Variants in PLEKHA7 observed in about 807,000 individuals in gnomAD.
PLEKHA7 encodes the protein pleckstrin homology domain containing A7.
PLEKHA7 carries 104 observed loss-of-function variants against 170.0 expected under a neutral mutation model. The observed-to-expected ratio is 0.61, with a 90% CI of 0.52 to 0.72. The LOEUF is 0.72. Ranked by LOEUF, PLEKHA7 falls within the 30% of genes least tolerant of loss-of-function variation. PLEKHA7 has a pLI of 0.00. For missense variants in PLEKHA7, 1,615 were observed against 1,671.7 expected (o/e 0.97, Z 0.59); for synonymous variants, 648 against 660.8 (o/e 0.98, Z 0.30).
At chr11:16,924,109 C>T (rs948379786) in intron 3 of PLEKHA7, among the ~76,000 whole-genome samples, 7 of 152,122 alleles carry the variant, frequency 4.6e-5, no homozygotes, top group African/African-American at 1.7e-4. Flanking sequence ...TCATTAGGGC[C>T]CCACCCAGAA....
chr11:16,816,889 G>A lies in PLEKHA7; in HGVS notation c.1777C>T (p.Arg593Ter), dbSNP rs1308265086. 1.9e-6 allele frequency: 3 copies of A among 1,614,060 alleles called. No individual in the cohort carries two copies. The highest frequency in any genetic ancestry group is 1.7e-6 in the Non-Finnish European group (2 of 1,180,024). The change falls in exon 11 of 27, where the codon CGA becomes TGA. Residue 593 changes from arginine (R) to a stop codon, truncating the protein, a stop_gained. Transcript: ENST00000531066. LOFTEE classifies it high-confidence loss of function. ...PPRRPHTPAERVTVKPPDQRR... is the reference protein window; with the variant it reads ...PPRRPHTPAE Reference sequence around the variant, plus strand: ...TGGTCCGGTGGCTTCACTGTGACTCGCTCTGCTGGTGTGTGTGGCCGCCGG... The same window carrying A: ...TGGTCCGGTGGCTTCACTGTGACTCACTCTGCTGGTGTGTGTGGCCGCCGG...
intron 3 of PLEKHA7, among the ~76,000 whole-genome samples, chr11:16,923,650 T>C (rs1278577994): frequency 6.6e-6 from 1 of 152,090 alleles, no homozygotes; most frequent in Admixed American, 6.5e-5. Context: ...CACAGCAGCC[T>C]GTCTGGAAGC....
chr11:16,880,520 T>C (rs1855631444), intron 3 of PLEKHA7, among the ~76,000 whole-genome samples: 1 of 152,214 alleles, frequency 6.6e-6, no homozygotes, highest in African/African-American at 2.4e-5. Flanking sequence ...TTTTTCCACA[T>C]TGCAGACTCC....
intron 3 of PLEKHA7, among the ~76,000 whole-genome samples, chr11:16,932,636 A>C (rs948691692): frequency 2.6e-5 from 4 of 152,230 alleles, no homozygotes; most frequent in Non-Finnish European, 2.9e-5. Context: ...ATGACTAGTA[A>C]CCACCATAGA....
intron 3 of PLEKHA7, among the ~76,000 whole-genome samples, chr11:16,966,687 G>A (rs936264160): frequency 6.7e-6 from 1 of 149,156 alleles, no homozygotes; most frequent in African/African-American, 2.6e-5. Flanking sequence ...TTTTCCATTC[G>A]GATTTTTTTT....
intron 3 of PLEKHA7, among the ~76,000 whole-genome samples, chr11:16,893,603 T>G (rs1419944217): frequency 6.6e-6 from 1 of 152,132 alleles, no homozygotes; most frequent in Non-Finnish European, 1.5e-5. Flanking sequence ...GCTGGTAACT[T>G]TTCCCATTGC....
At chr11:16,814,192 C>A (rs1256443556) in intron 12 of PLEKHA7, among the ~76,000 whole-genome samples, 5 of 152,222 alleles carry the variant, frequency 3.3e-5, no homozygotes, top group African/African-American at 7.2e-5. Flanking sequence ...TCTTACCCAT[C>A]TATACTTCCC....
At chr11:16,890,420 C>T (rs1390793030) in intron 3 of PLEKHA7, among the ~76,000 whole-genome samples, 2 of 152,172 alleles carry the variant, frequency 1.3e-5, no homozygotes, top group Non-Finnish European at 2.9e-5. Context: ...CTGATAAAGA[C>T]ATTTACAAAG....
intron 26 of PLEKHA7, among the ~76,000 whole-genome samples, chr11:16,779,987 G>T (rs964070254): frequency 6.9e-6 from 1 of 144,586 alleles, no homozygotes; most frequent in Non-Finnish European, 1.5e-5. Context: ...GGGAGGGGGG[G>T]GGGAATATCT....
At chr11:16,779,928 C>A (rs1021958704) in intron 26 of PLEKHA7, among the ~76,000 whole-genome samples, 1 of 148,916 alleles carries the variant, frequency 6.7e-6, no homozygotes, top group African/African-American at 2.5e-5. Context: ...CGATTCCTTG[C>A]GCATATCCCT....
Position 16,841,708 on chromosome 11 carries a change from C to A in PLEKHA7, c.711G>T (p.Gly237=), listed in dbSNP as rs1851979537. 6.2e-7 allele frequency: 1 copy of A among 1,613,882 alleles called. No individual in the cohort carries two copies. Among genetic ancestry groups the A allele is most frequent in the South Asian group, 1.1e-5 (1 of 91,058 alleles). Residue 237 remains glycine, a synonymous_variant, in exon 9 of 27, where the codon GGG becomes GGT. Transcript: ENST00000531066. ...AGCTGTTATAGATGAGCGCTCGCATCCCCGTGTGCACAGCCTGTAGCATGA... is the reference window on the plus strand; with the variant it reads ...AGCTGTTATAGATGAGCGCTCGCATACCCGTGTGCACAGCCTGTAGCATGA... ...RKYSFKAVHT[G]MRALIYNSST... is the part of the protein sequence containing the mutation.
chr11:16,817,167 T>A lies in PLEKHA7; in HGVS notation c.1499A>T (p.Asp500Val). ...CGACATCTTCAGGTGGCTGGCTCGG[T>A]CCTGCGCATACTTGTAGTCACTTGG... is the stretch of plus-strand genomic sequence containing the variant. ...NLPSDYKYAQ[D>V]RASHLKMSSE... The change falls in exon 11 of 27, where the codon GAC (aspartate) becomes GTC (valine). Residue 500 changes from aspartate (D) to valine (V), a missense_variant. Asp to Val is a radical substitution (Grantham distance 152, BLOSUM62 -3). Coordinates refer to ENST00000531066, the MANE Select transcript of PLEKHA7 (RefSeq NM_001329630.2). The surrounding 1 kb of genome is among the most constrained non-coding windows in gnomAD (Gnocchi z 4.4). 6.2e-7 allele frequency: 1 copy of A among 1,614,188 alleles called. No individual in the cohort carries two copies. Among genetic ancestry groups the A allele is most frequent in the Non-Finnish European group, 8.5e-7 (1 of 1,180,030 alleles).
intron 9 of PLEKHA7, among the ~76,000 whole-genome samples, chr11:16,839,199 ATT>A (rs1301687765): frequency 6.6e-6 from 1 of 152,088 alleles, no homozygotes; most frequent in Non-Finnish European, 1.5e-5. Flanking sequence ...ATATACTGAT[ATT>A]GAGTGATCCT....
chr11:16,791,287 G>T lies in PLEKHA7; in HGVS notation c.2746-88C>A. On this transcript the variant is annotated intron_variant, in intron 19 of 26. Coordinates refer to ENST00000531066, the MANE Select transcript of PLEKHA7 (RefSeq NM_001329630.2). The surrounding 1 kb of genome is among the most constrained non-coding windows in gnomAD (Gnocchi z 4.5). ...TACTGCCACAGTGGAGGTTTAAAGG[G>T]TAGGAACAGGCCACATCAGAGCCAC... 1.6e-6 allele frequency: 2 copies of T among 1,276,554 alleles called. No individual in the cohort carries two copies. Among genetic ancestry groups the T allele is most frequent in the Non-Finnish European group, 2.1e-6 (2 of 931,956 alleles). The allele number at this position is 1,276,554 out of a possible 1,614,324, so 79.1% of individuals were successfully genotyped here. A position where few individuals can be genotyped will look rare whatever the true frequency, so the allele number is the denominator to read the frequency against.
intron 3 of PLEKHA7, among the ~76,000 whole-genome samples, chr11:17,012,441 A>G (rs1038505000): frequency 1.3e-5 from 2 of 152,116 alleles, no homozygotes; most frequent in African/African-American, 2.4e-5. Flanking sequence ...TCATCACATG[A>G]TGTCTCCTTC....
At chr11:16,828,733 G>A (rs1037849572) in intron 9 of PLEKHA7, among the ~76,000 whole-genome samples, 2 of 152,134 alleles carry the variant, frequency 1.3e-5, no homozygotes, top group Admixed American at 1.3e-4. Context: ...CTCAGTCCAG[G>A]TGGTTCAGGT....
At chr11:16,785,524 A>G (rs149003029) in intron 24 of PLEKHA7, among the ~76,000 whole-genome samples, 2 of 152,292 alleles carry the variant, frequency 1.3e-5, no homozygotes, top group African/African-American at 4.8e-5. Context: ...TGCCCTGAAG[A>G]GCTTAGGAAT....
At chr11:16,915,697 AT>A (rs1446589295) in intron 3 of PLEKHA7, among the ~76,000 whole-genome samples, 3 of 151,692 alleles carry the variant, frequency 2.0e-5, no homozygotes, top group Admixed American at 6.6e-5. Context: ...TGAACTCATC[AT>A]TTTTTATGGC....
chr11:16,971,015 A>AATGT (rs1218909147), intron 3 of PLEKHA7, among the ~76,000 whole-genome samples: 1 of 152,240 alleles, frequency 6.6e-6, no homozygotes, highest in Non-Finnish European at 1.5e-5. Context: ...CAAACAAAAT[A>AATGT]ATGTGGGTGT....
Sources: allele counts gnomAD v4.1 joint callset (sites outside exome capture counted in the v4.1 genomes callset), GRCh38; gene constraint gnomAD v4.1.1; non-coding constraint Gnocchi (gnomAD v3.1); transcripts MANE v1.5; gene names NCBI Gene and HGNC (gene_info 2026-07-23, HGNC 2026-07-21).